Variants in OSBPL9 observed in about 807,000 individuals in gnomAD.
OSBPL9 encodes the protein oxysterol-binding protein-related protein 9.
OSBPL9 carries 40 observed loss-of-function variants against 106.6 expected under a neutral mutation model. The ratio of observed to expected loss-of-function variants is 0.38; its 90% CI spans 0.29 to 0.49. The LOEUF is 0.49. OSBPL9 is among the 20% of genes least tolerant of loss of function. OSBPL9 has a pLI of 0.97. For missense variants in OSBPL9, 609 were observed against 887.2 expected (o/e 0.69, Z 3.98); for synonymous variants, 269 against 295.4 (o/e 0.91, Z 0.92).
chr1:51,617,024 C>T, upstream of OSBPL9: 1 of 1,464,086 alleles, frequency 6.8e-7, no homozygotes, highest in Non-Finnish European at 9.1e-7. Context: ...AGGACCCGCC[C>T]CGCCCCCTGC....
intron 1 of OSBPL9, among the ~76,000 whole-genome samples, chr1:51,648,216 G>A (rs1161677938): frequency 1.3e-5 from 2 of 152,322 alleles, no homozygotes; most frequent in South Asian, 2.1e-4. Context: ...ATTACCAGAA[G>A]CTACTAGGAT....
At chr1:51,726,205 T>G (rs1663087050) in intron 4 of OSBPL9, among the ~76,000 whole-genome samples, 1 of 152,182 alleles carries the variant, frequency 6.6e-6, no homozygotes, top group Non-Finnish European at 1.5e-5. Context: ...GAAGTTGTGA[T>G]TCTCTATATT....
chr1:51,627,919 A>G (rs1644865675), intron 1 of OSBPL9, among the ~76,000 whole-genome samples: 1 of 152,062 alleles, frequency 6.6e-6, no homozygotes, highest in Admixed American at 6.6e-5. Flanking sequence ...TTCGCTCTTA[A>G]TCTTAGCACT....
At chr1:51,782,447 T>C (rs1260642290) in intron 16 of OSBPL9, 112 bp from the exon 17 acceptor site, 16 of 710,630 alleles carry the variant, frequency 2.3e-5, no homozygotes, top group Non-Finnish European at 3.5e-5. Flanking sequence ...TAGAAATATA[T>C]ATATAGGGTG....
chr1:51,562,813 A>C, the OSBPL9 span, among the ~76,000 whole-genome samples: 3 of 152,162 alleles, frequency 2.0e-5, no homozygotes, highest in Non-Finnish European at 4.4e-5. Context: ...TGGCCAAATA[A>C]AATCATGCTT....
At chr1:51,746,576 G>T (rs1668024028) in intron 5 of OSBPL9, 134 bp from the exon 6 acceptor site, 4 of 607,780 alleles carry the variant, frequency 6.6e-6, no homozygotes, top group South Asian at 2.6e-5. Context: ...AATACATGTT[G>T]TCTTGAAAAT....
the OSBPL9 span, among the ~76,000 whole-genome samples, chr1:51,538,134 A>C: frequency 1.3e-5 from 2 of 152,100 alleles, no homozygotes; most frequent in Non-Finnish European, 2.9e-5. Context: ...CTACTAAAAA[A>C]TACAAAATTT....
chr1:51,729,101 C>T lies in OSBPL9; in HGVS notation c.318+15022C>T, dbSNP rs753096462. 6.6e-6 allele frequency among the ~76,000 whole-genome samples: 1 copy of T among 152,094 alleles called. No homozygotes were observed. The highest frequency in any genetic ancestry group is 1.9e-4 in the East Asian group (1 of 5,194). On this transcript the variant is annotated intron_variant, in intron 4 of 23. Transcript: ENST00000428468. This position sits in a 1 kb window ranked among gnomAD's most constrained non-coding sequence, Gnocchi z 5.1. ...GACTTTTGATATAATCTGCAGTTTG[C>T]GCCATTTGGATTCCTGAAGCATCTT...
intron 2 of OSBPL9, among the ~76,000 whole-genome samples, chr1:51,661,639 A>G (rs867431089): frequency 3.9e-5 from 6 of 152,214 alleles, no homozygotes; most frequent in Admixed American, 2.6e-4. Context: ...TGTTGGCACA[A>G]TGGGGGTCAT....
intron 1 of OSBPL9, among the ~76,000 whole-genome samples, chr1:51,629,478 G>C (rs553193842): frequency 1.3e-5 from 2 of 152,250 alleles, no homozygotes; most frequent in Admixed American, 1.3e-4. Flanking sequence ...ATGTCATAAA[G>C]TGGGCTTACA....
Position 51,729,604 on chromosome 1 carries a change from G to GC in OSBPL9, c.318+15528dup, listed in dbSNP as rs1240988815. The GC allele has an allele frequency of 5.1e-6, 1 of 194,908 alleles. No individual in the cohort carries two copies. The highest frequency in any genetic ancestry group is 1.0e-5 in the Non-Finnish European group (1 of 97,522). The allele number at this position is 194,908 out of a possible 1,614,324, so 12.1% of individuals were successfully genotyped here. ...CGGGTCTGGGCGGGGCGCTCCGGACGCCCTCCCGCCGCTGCGCACCCCTCC... is the reference window on the plus strand; with the variant it reads ...CGGGTCTGGGCGGGGCGCTCCGGACGCCCCTCCCGCCGCTGCGCACCCCTCC... On this transcript the variant is annotated intron_variant, in intron 4 of 23. Transcript: ENST00000428468. This position sits in a 1 kb window ranked among gnomAD's most constrained non-coding sequence, Gnocchi z 5.1.
At chr1:51,746,648 A>G (rs1668036004) in intron 5 of OSBPL9, 62 bp from the exon 6 acceptor site, 2 of 1,156,292 alleles carry the variant, frequency 1.7e-6, no homozygotes, top group Non-Finnish European at 2.5e-6. Flanking sequence ...TTCTGTGTTT[A>G]GTGAATGTAC....
At chr1:51,559,223 C>A in the OSBPL9 span, among the ~76,000 whole-genome samples, 1 of 151,560 alleles carries the variant, frequency 6.6e-6, no homozygotes, top group East Asian at 1.9e-4. Flanking sequence ...TACTGAGAGT[C>A]ACTTGGATTT....
intron 1 of OSBPL9, among the ~76,000 whole-genome samples, chr1:51,639,259 A>G (rs1221378387): frequency 2.0e-5 from 3 of 152,156 alleles, no homozygotes; most frequent in East Asian, 1.9e-4. Context: ...TCCTGTCTTC[A>G]TGGGTTAGTT....
the OSBPL9 span, among the ~76,000 whole-genome samples, chr1:51,568,937 T>C: frequency 6.6e-6 from 1 of 152,080 alleles, no homozygotes; most frequent in African/African-American, 2.4e-5. Context: ...GCTCTCGAAC[T>C]CCTGACCTCA....
chr1:51,777,635 T>A, intron 15 of OSBPL9, among the ~76,000 whole-genome samples: 1 of 110,890 alleles, frequency 9.0e-6, no homozygotes, highest in South Asian at 2.5e-4. Flanking sequence ...TAAATATATA[T>A]TTTTTTTTTC....
chr1:51,771,497 G>A (rs988636100), intron 12 of OSBPL9, among the ~76,000 whole-genome samples: 3 of 151,478 alleles, frequency 2.0e-5, no homozygotes, highest in Admixed American at 1.3e-4. Flanking sequence ...GCGTGTGCGC[G>A]CACACACACA....
chr1:51,581,967 C>T (rs1645223495), intron 1 of OSBPL9, among the ~76,000 whole-genome samples: 1 of 152,086 alleles, frequency 6.6e-6, no homozygotes, highest in Non-Finnish European at 1.5e-5. Flanking sequence ...CTTCTTCAGC[C>T]CTAGATCAGC....
At chr1:51,620,535 G>T (rs1644360329) in intron 1 of OSBPL9, among the ~76,000 whole-genome samples, 1 of 152,196 alleles carries the variant, frequency 6.6e-6, no homozygotes, top group Admixed American at 6.5e-5. Flanking sequence ...TGGAGAAGCA[G>T]GTTTGTTTTG....
Sources: gnomAD v4.1 joint callset for allele counts (sites outside exome capture counted in the v4.1 genomes callset) on GRCh38, gnomAD v4.1.1 for gene constraint, Gnocchi (gnomAD v3.1) non-coding constraint, MANE v1.5 for transcripts, NCBI Gene and HGNC (gene_info 2026-07-23, HGNC 2026-07-21) for gene names.